Variants in SIL1 observed in about 807,000 individuals in gnomAD.
The protein encoded by SIL1 is SIL1 nucleotide exchange factor.
In SIL1, 40 loss-of-function variants were observed where a neutral mutation model predicts 49.1. That is an observed-to-expected ratio of 0.81 (90% CI 0.63 to 1.06). The LOEUF (loss-of-function observed/expected upper bound fraction) is 1.06. Among genes scored for constraint, SIL1 ranks in the 50% least tolerant of loss-of-function variants. SIL1 has a pLI of 0.00. For synonymous variants in SIL1, 253 were observed against 250.8 expected (o/e 1.01, Z -0.08); for missense variants, 500 against 572.6 (o/e 0.87, Z 1.29).
chr5:138,949,813 AAAAG>A (rs1467893974), intron 9 of SIL1, among the ~76,000 whole-genome samples: 2 of 151,144 alleles, frequency 1.3e-5, no homozygotes, highest in African/African-American at 4.9e-5. Flanking sequence ...AAAAAAAAAA[AAAAG>A]AAAAAAGAAA....
At chr5:138,987,082 A>ATTATTTTATTTTATT (rs58117206) in intron 7 of SIL1, among the ~76,000 whole-genome samples, 1,599 of 135,484 alleles carry the variant, frequency 0.012, 23 homozygotes, top group East Asian at 0.031. Context: ...TTTATGATAG[A>ATTATTTTATTTTATT]TTATTTTATT....
intron 1 of SIL1, among the ~76,000 whole-genome samples, chr5:139,140,550 G>A (rs963312878): frequency 6.6e-6 from 1 of 152,124 alleles, no homozygotes; most frequent in Non-Finnish European, 1.5e-5. Flanking sequence ...TTGAAAGGGA[G>A]ATGAATTTTA....
chr5:139,105,730 C>T (rs1167318901), intron 3 of SIL1, among the ~76,000 whole-genome samples: 2 of 152,206 alleles, frequency 1.3e-5, no homozygotes, highest in Admixed American at 6.5e-5. Context: ...CAATCGTGCA[C>T]GCTCCAACGG....
At chr5:139,130,049 A>G (rs1750829301) in intron 1 of SIL1, among the ~76,000 whole-genome samples, 1 of 152,230 alleles carries the variant, frequency 6.6e-6, no homozygotes, top group South Asian at 2.1e-4. Context: ...CCCAATTTAA[A>G]AATGGGCAAA....
At chr5:139,025,374 T>C (rs1241349560) in intron 6 of SIL1, among the ~76,000 whole-genome samples, 1 of 152,148 alleles carries the variant, frequency 6.6e-6, no homozygotes, top group Admixed American at 6.5e-5. Flanking sequence ...AGCAATTACA[T>C]AATCTCTCTG....
At chr5:138,995,309 G>A (rs954368371) in intron 7 of SIL1, among the ~76,000 whole-genome samples, 2 of 150,580 alleles carry the variant, frequency 1.3e-5, no homozygotes, top group East Asian at 1.9e-4. Flanking sequence ...GTGTAATGGC[G>A]TGATCTCGGC....
At chr5:139,116,901 A>C (rs1415855959) in intron 3 of SIL1, among the ~76,000 whole-genome samples, 1 of 152,260 alleles carries the variant, frequency 6.6e-6, no homozygotes, top group African/African-American at 2.4e-5. Flanking sequence ...TCTGCGAAGT[A>C]GGTATTATAT....
chr5:138,977,823 A>T (rs1272884195), intron 7 of SIL1, among the ~76,000 whole-genome samples: 1 of 151,870 alleles, frequency 6.6e-6, no homozygotes, highest in African/African-American at 2.4e-5. Context: ...TTCCAGCCAC[A>T]CTCACCTTCT....
intron 3 of SIL1, among the ~76,000 whole-genome samples, chr5:139,071,985 AT>A (rs2150473997): frequency 6.6e-6 from 1 of 152,216 alleles, no homozygotes; most frequent in Non-Finnish European, 1.5e-5. Context: ...TATTTATTTA[AT>A]TTTTCTGGGA....
At chr5:139,143,328 CACACACACACACACACATATAT>C (rs1751124454) in intron 1 of SIL1, among the ~76,000 whole-genome samples, 1 of 126,994 alleles carries the variant, frequency 7.9e-6, no homozygotes, top group South Asian at 2.3e-4. Context: ...CACACACACA[CACACACACACACACACATATAT>C]ATATATATAT....
chr5:139,066,747 C>G (rs1321344049), intron 3 of SIL1, among the ~76,000 whole-genome samples: 1 of 151,950 alleles, frequency 6.6e-6, no homozygotes, highest in African/African-American at 2.4e-5. Context: ...ACTCTGTTGC[C>G]CACGCTGGGG....
chr5:139,046,651 T>C (rs1769171207), intron 4 of SIL1, among the ~76,000 whole-genome samples: 1 of 152,214 alleles, frequency 6.6e-6, no homozygotes, highest in Non-Finnish European at 1.5e-5. Flanking sequence ...TCCTTGTTCT[T>C]ACCTCTGTTC....
chr5:139,107,893 A>G (rs1268740714), intron 3 of SIL1: 1 of 152,242 alleles, frequency 6.6e-6, no homozygotes, highest in Non-Finnish European at 1.5e-5. Context: ...TTTTACAGAG[A>G]GGGATAGTTC....
intron 7 of SIL1, among the ~76,000 whole-genome samples, chr5:139,020,488 G>C (rs1768495383): frequency 6.6e-6 from 1 of 152,142 alleles, no homozygotes; most frequent in Non-Finnish European, 1.5e-5. Context: ...TGTTTTAAAG[G>C]CACAAATGGT....
chr5:139,143,064 G>A (rs1019422025), intron 1 of SIL1, among the ~76,000 whole-genome samples: 6 of 151,166 alleles, frequency 4.0e-5, no homozygotes, highest in Non-Finnish European at 5.9e-5. Context: ...CACCGCGCCC[G>A]GCCACCCACT....
At chr5:139,019,770 T>A (rs989085088) in intron 7 of SIL1, among the ~76,000 whole-genome samples, 2 of 152,092 alleles carry the variant, frequency 1.3e-5, no homozygotes, top group African/African-American at 4.8e-5. Context: ...AAGGGACGTA[T>A]AGGATAATTT....
At chr5:138,950,108 T>C (rs1477452827) in intron 9 of SIL1, among the ~76,000 whole-genome samples, 3 of 152,118 alleles carry the variant, frequency 2.0e-5, no homozygotes, top group African/African-American at 7.2e-5. Flanking sequence ...GTCAGTGCCA[T>C]AGTGCCCAGG....
At chr5:139,038,763 T>G (rs1387172126) in intron 5 of SIL1, among the ~76,000 whole-genome samples, 1 of 152,236 alleles carries the variant, frequency 6.6e-6, no homozygotes, top group Non-Finnish European at 1.5e-5. Context: ...ACTGTTTCAC[T>G]GCTGCTGGCC....
At chr5:139,140,918 G>A (rs1042572759) in intron 1 of SIL1, among the ~76,000 whole-genome samples, 2 of 152,038 alleles carry the variant, frequency 1.3e-5, no homozygotes, top group East Asian at 1.9e-4. Flanking sequence ...TCCCTGCTGC[G>A]GCAGCTCCAC....
Sources: gnomAD v4.1 joint callset for allele counts (sites outside exome capture counted in the v4.1 genomes callset) on GRCh38, gnomAD v4.1.1 for gene constraint, MANE v1.5 for transcripts, NCBI Gene and HGNC (gene_info 2026-07-23, HGNC 2026-07-21) for gene names.